FMO5: variants seen among roughly 807,000 people sequenced by gnomAD.
FMO5 encodes the protein flavin-containing monooxygenase 5.
In FMO5, 51 loss-of-function variants were observed where a neutral mutation model predicts 43.6. That is an observed-to-expected ratio of 1.17 (90% CI 0.93 to 1.48). The LOEUF (loss-of-function observed/expected upper bound fraction) is 1.48, where lower values mean the gene tolerates loss of function less well. Among genes scored for constraint, FMO5 ranks in the 40% most tolerant of loss-of-function variants. The probability of loss-of-function intolerance (pLI) is 0.00; values close to 1 mark genes in which losing one functional copy is unlikely to be tolerated. For missense variants in FMO5, 644 were observed against 643.0 expected, an observed-to-expected ratio of 1.00 and a Z score of -0.02; for synonymous variants, 187 against 216.5, an observed-to-expected ratio of 0.86 and a Z score of 1.20.
At chr1:147,190,721 T>G (rs1656568357) in intron 7 of FMO5, among the ~76,000 whole-genome samples, 1 of 152,128 alleles carries the variant, frequency 6.6e-6, no homozygotes, top group African/African-American at 2.4e-5. Context: ...TTAGGGTACA[T>G]GTGCACAATG....
rs782652642 is a variant in FMO5, at chr1:147,190,213, G to A, written c.1220C>T (p.Ala407Val). 3.1e-6 allele frequency: 5 copies of A among 1,611,306 alleles called. No homozygotes were observed. In the South Asian group the frequency reaches 3.3e-5, roughly 11 times the overall value. Reference protein sequence around the residue: ...KTLPSQSEMMAEISKAQEEID... With the variant: ...KTLPSQSEMMVEISKAQEEID... Reference sequence around the variant, plus strand: ...TTCCTCTTGAGCTTTAGATATTTCTGCCATCATTTCACTCTGTGAGGGCAA... The same window carrying A: ...TTCCTCTTGAGCTTTAGATATTTCTACCATCATTTCACTCTGTGAGGGCAA... Residue 407 changes from alanine (A) to valine (V), a missense_variant, in exon 8 of 9, where the codon GCA (alanine) becomes GTA (valine). Transcript: ENST00000254090.
chr1:147,214,804 TAACTA>T (rs1661705702), intron 3 of FMO5: 2 of 152,086 alleles, frequency 1.3e-5, no homozygotes, highest in African/African-American at 4.8e-5. Context: ...TTTATCCCCT[TAACTA>T]GACTATAAAG....
intron 5 of FMO5, 88 bp from the exon 6 acceptor site, chr1:147,209,139 G>A: frequency 8.6e-7 from 1 of 1,168,958 alleles, no homozygotes; most frequent in South Asian, 1.4e-5. Flanking sequence ...ATCATTTCAG[G>A]CCCGGCGCGG....
chr1:147,204,560 C>G, intron 6 of FMO5: 5 of 1,587,518 alleles, frequency 3.1e-6, no homozygotes, highest in African/African-American at 2.7e-5. Context: ...ACCTCTGAAA[C>G]TGACAGGCCA....
intron 7 of FMO5, among the ~76,000 whole-genome samples, chr1:147,197,374 G>A (rs1658185841): frequency 6.6e-6 from 1 of 152,098 alleles, no homozygotes; most frequent in Non-Finnish European, 1.5e-5. Flanking sequence ...AATATCTGCT[G>A]AATGAACAAA....
chr1:147,204,098 T>A (rs375032985), intron 6 of FMO5: 8 of 1,061,936 alleles, frequency 7.5e-6, no homozygotes, highest in African/African-American at 4.7e-5. Flanking sequence ...AGCTTTGACT[T>A]ATGCATCCAT....
intron 2 of FMO5, among the ~76,000 whole-genome samples, chr1:147,220,002 C>A (rs1430177026): frequency 6.6e-6 from 1 of 152,046 alleles, no homozygotes; most frequent in Non-Finnish European, 1.5e-5. Flanking sequence ...CCCTGCCCAG[C>A]TAATTTTTTG....
chr1:147,203,731 A>T, intron 6 of FMO5: 1 of 1,535,700 alleles, frequency 6.5e-7, no homozygotes, highest in Non-Finnish European at 9.0e-7. Flanking sequence ...CCCTTGTAAG[A>T]ACTTTGAAAG....
Position 147,204,429 on chromosome 1 carries a change from T to A in FMO5, c.831-2925A>T. On this transcript the variant is annotated intron_variant, in intron 6 of 8. Coordinates refer to ENST00000254090, the MANE Select transcript of FMO5 (RefSeq NM_001461.4). ...CTTCATTACCATATTGTTTACACAT[T>A]ACAGAGGTACGAAGTAGAGATGAGA... 2.5e-6 allele frequency: 3 copies of A among 1,197,280 alleles called. No homozygotes were observed. The East Asian group carries it at 7.0e-5, about 28-fold the overall frequency. 74.2% of individuals were successfully genotyped at this position (1,197,280 alleles called of 1,614,324 possible).
chr1:147,225,386 A>C (rs1226447664), upstream of FMO5: 3 of 218,630 alleles, frequency 1.4e-5, no homozygotes, highest in East Asian at 3.1e-4. Flanking sequence ...ACGGACAAAC[A>C]GCGAGAGCCA....
chr1:147,219,558 C>A (rs891661405), intron 2 of FMO5, among the ~76,000 whole-genome samples: 4 of 151,938 alleles, frequency 2.6e-5, no homozygotes, highest in African/African-American at 7.3e-5. Flanking sequence ...ACACTTTTCC[C>A]CTAAGACTGG....
At chr1:147,204,478 T>G (rs1553921797) in intron 6 of FMO5, 20 of 1,498,296 alleles carry the variant, frequency 1.3e-5, no homozygotes. Flanking sequence ...TCGAAGGTTT[T>G]TTGCAGAACA....
At chr1:147,225,185 G>T (rs1326927803) in intron 1 of FMO5, 102 bp downstream of exon 1, 6 of 1,472,704 alleles carry the variant, frequency 4.1e-6, no homozygotes, top group East Asian at 2.4e-5. Flanking sequence ...GGACAGATTC[G>T]ACGGTCCTCT....
intron 6 of FMO5, among the ~76,000 whole-genome samples, chr1:147,202,884 C>T (rs1659284823): frequency 6.6e-6 from 1 of 152,092 alleles, no homozygotes; most frequent in Non-Finnish European, 1.5e-5. Context: ...GTCACCAAGC[C>T]TTTTCCCTTT....
At chr1:147,204,578 G>C (rs1659629228) in intron 6 of FMO5, 1 of 1,590,560 alleles carries the variant, frequency 6.3e-7, no homozygotes, top group African/African-American at 1.3e-5. Flanking sequence ...CCAATCCTCA[G>C]AAGTTCTTCA....
chr1:147,187,984 T>C (rs1316941119), intron 8 of FMO5, among the ~76,000 whole-genome samples: 1 of 151,988 alleles, frequency 6.6e-6, no homozygotes, highest in South Asian at 2.1e-4. Context: ...CAATTGAGAT[T>C]GAAGAATCCA....
At position 147,225,279 on chromosome 1, in the gene FMO5, G is replaced by C; in HGVS notation, c.-38+8C>G. On this transcript the variant is annotated splice_region_variant and intron_variant, in intron 1 of 8. Coordinates refer to ENST00000254090, the MANE Select transcript of FMO5 (RefSeq NM_001461.4). Reference sequence around the variant, plus strand: ...CTGAGAGTGCTCTGCTGCGGTACCGGATCTCACCGCCTTTCCTGAAGCGCT... The same window carrying C: ...CTGAGAGTGCTCTGCTGCGGTACCGCATCTCACCGCCTTTCCTGAAGCGCT... 1.1e-6 allele frequency: 1 copy of C among 928,208 alleles called. No individual in the cohort carries two copies. The highest frequency in any genetic ancestry group is 1.5e-6 in the Non-Finnish European group (1 of 669,122). The allele number at this position is 928,208 out of a possible 1,614,324, so 57.5% of individuals were successfully genotyped here.
intron 6 of FMO5, chr1:147,203,770 T>C: frequency 6.5e-7 from 1 of 1,536,430 alleles, no homozygotes; most frequent in Non-Finnish European, 9.0e-7. Flanking sequence ...CTGCCCTTTC[T>C]ATGTCATCCA....
chr1:147,199,213 G>A (rs918376693), intron 7 of FMO5, among the ~76,000 whole-genome samples: 1 of 151,438 alleles, frequency 6.6e-6, no homozygotes, highest in Non-Finnish European at 1.5e-5. Flanking sequence ...AAGGAGGCAG[G>A]CTTTGTTGGG....
Sources: allele counts gnomAD v4.1 joint callset (sites outside exome capture counted in the v4.1 genomes callset), GRCh38; gene constraint gnomAD v4.1.1; transcripts MANE v1.5; gene names NCBI Gene and HGNC (gene_info 2026-07-23, HGNC 2026-07-21).